Variants in PTPRM observed in about 807,000 individuals in gnomAD.
PTPRM encodes protein tyrosine phosphatase receptor type M.
Under a neutral mutation model 186.7 loss-of-function variants are expected in PTPRM, and 47 were observed. That is an observed-to-expected ratio of 0.25 (90% CI 0.20 to 0.32). The LOEUF (loss-of-function observed/expected upper bound fraction) is 0.32. PTPRM is among the 10% of genes least tolerant of loss of function. The pLI is 1.00. For missense variants in PTPRM, 1,494 were observed against 1,865.0 expected, an observed-to-expected ratio of 0.80 and a Z score of 3.66; for synonymous variants, 668 against 674.9, an observed-to-expected ratio of 0.99 and a Z score of 0.16.
intron 1 of PTPRM, among the ~76,000 whole-genome samples, chr18:7,676,045 T>C (rs2039328446): frequency 1.3e-5 from 2 of 152,030 alleles, no homozygotes; most frequent in Non-Finnish European, 2.9e-5. Flanking sequence ...CCTTTCAGCA[T>C]TTTTTTAACA....
intron 11 of PTPRM, among the ~76,000 whole-genome samples, chr18:8,107,042 C>T (rs1323022410): frequency 1.3e-5 from 2 of 152,148 alleles, no homozygotes; most frequent in East Asian, 1.9e-4. Flanking sequence ...TTTGGTGTGG[C>T]TTTGATAGTA....
chr18:8,311,627 A>G (rs1435650599), intron 20 of PTPRM, among the ~76,000 whole-genome samples: 1 of 152,224 alleles, frequency 6.6e-6, no homozygotes. Flanking sequence ...ACTACCATGT[A>G]TATAAAGGCA....
intron 1 of PTPRM, among the ~76,000 whole-genome samples, chr18:7,747,235 A>G (rs1233479376): frequency 6.6e-6 from 1 of 152,148 alleles, no homozygotes; most frequent in Non-Finnish European, 1.5e-5. Flanking sequence ...GCATTACTGC[A>G]AAGCATGGCA....
intron 24 of PTPRM, among the ~76,000 whole-genome samples, chr18:8,375,032 G>A (rs1347416001): frequency 3.3e-5 from 5 of 152,322 alleles, no homozygotes; most frequent in African/African-American, 9.6e-5. Flanking sequence ...TACATCCAGC[G>A]TTGATTCCGG....
intron 18 of PTPRM, 64 bp downstream of exon 18, chr18:8,252,563 T>C (rs2094538032): frequency 1.4e-6 from 2 of 1,478,602 alleles, no homozygotes; most frequent in African/African-American, 2.8e-5. Flanking sequence ...GTCTTACTGG[T>C]AGATTCTGAC....
intron 1 of PTPRM, among the ~76,000 whole-genome samples, chr18:7,738,208 A>G (rs1476151612): frequency 6.6e-6 from 1 of 152,208 alleles, no homozygotes; most frequent in African/African-American, 2.4e-5. Context: ...AACCATTGCA[A>G]TCAACACATT....
At chr18:8,200,817 A>G (rs2093845256) in intron 14 of PTPRM, among the ~76,000 whole-genome samples, 1 of 152,246 alleles carries the variant, frequency 6.6e-6, no homozygotes, top group South Asian at 2.1e-4. Context: ...GTGAGAAAGT[A>G]AAAAACACGA....
intron 14 of PTPRM, among the ~76,000 whole-genome samples, chr18:8,223,860 G>C: frequency 6.6e-6 from 1 of 152,188 alleles, no homozygotes; most frequent in Non-Finnish European, 1.5e-5. Flanking sequence ...GGTATGTATA[G>C]TATATACAAG....
At chr18:7,920,311 C>A (rs778972328) in intron 4 of PTPRM, among the ~76,000 whole-genome samples, 3 of 151,924 alleles carry the variant, frequency 2.0e-5, no homozygotes, top group African/African-American at 7.3e-5. Context: ...TCTCTGGTCA[C>A]GTGTTTTAAT....
chr18:8,031,009 G>A (rs2085931104), intron 7 of PTPRM, among the ~76,000 whole-genome samples: 1 of 152,072 alleles, frequency 6.6e-6, no homozygotes. Flanking sequence ...TCCATTTTTG[G>A]AAGAGTGTGC....
At chr18:8,070,532 A>C (rs1216102029) in intron 8 of PTPRM, among the ~76,000 whole-genome samples, 1 of 152,198 alleles carries the variant, frequency 6.6e-6, no homozygotes, top group Admixed American at 6.5e-5. Context: ...TTGAAACCGG[A>C]TGTTACTTTA....
chr18:8,252,613 G>A, intron 18 of PTPRM, 114 bp downstream of exon 18: 1 of 1,041,866 alleles, frequency 9.6e-7, no homozygotes, highest in Non-Finnish European at 1.5e-6. Flanking sequence ...CTGCATGTTT[G>A]CCTTTGTAGA....
chr18:8,138,575 G>T (rs1363924064), intron 13 of PTPRM, among the ~76,000 whole-genome samples: 1 of 152,052 alleles, frequency 6.6e-6, no homozygotes, highest in Admixed American at 6.6e-5. Flanking sequence ...TTTTCCCTGG[G>T]AAAATGAAGC....
chr18:7,786,204 G>T (rs1365070761), intron 2 of PTPRM, among the ~76,000 whole-genome samples: 1 of 152,194 alleles, frequency 6.6e-6, no homozygotes, highest in Non-Finnish European at 1.5e-5. Context: ...AATAAATATA[G>T]CTATTTAATT....
intron 19 of PTPRM, among the ~76,000 whole-genome samples, chr18:8,264,621 T>A (rs1409429456): frequency 2.0e-5 from 3 of 151,762 alleles, no homozygotes. Flanking sequence ...TACAAAAAAT[T>A]AGCTGGGCGT....
chr18:7,701,374 G>A (rs1415035166), intron 1 of PTPRM, among the ~76,000 whole-genome samples: 1 of 151,870 alleles, frequency 6.6e-6, no homozygotes, highest in Admixed American at 6.6e-5. Flanking sequence ...GCTGAGGTGG[G>A]TGGATCACAA....
In PTPRM at chr18:7,568,585, G is replaced by T. The variant is rs1342610559; in HGVS notation, c.73+694G>T. Among the ~76,000 whole-genome samples the T allele has an allele frequency of 6.6e-6, 1 of 152,180 alleles. No homozygotes were observed. The highest frequency in any genetic ancestry group is 2.4e-5 in the African/African-American group (1 of 41,446). On this transcript the variant is annotated intron_variant, in intron 1 of 32. Transcript: ENST00000580170. This position sits in a 1 kb window ranked among gnomAD's most constrained non-coding sequence, Gnocchi z 5.1. The stretch of plus-strand genomic sequence containing the variant: ...TGGCCACGGCCCTGCGCCCCGCTGG[G>T]CTCCCCCTCCCCACCCTCGTCCCCC...
chr18:7,750,980 C>G (rs1235096132), intron 1 of PTPRM: 1 of 137,848 alleles, frequency 7.3e-6, no homozygotes, highest in Non-Finnish European at 1.6e-5. Flanking sequence ...CACATAGCCC[C>G]CCTCCCCGCA....
chr18:7,927,493 A>T (rs2051243763), intron 5 of PTPRM, among the ~76,000 whole-genome samples: 2 of 148,672 alleles, frequency 1.3e-5, no homozygotes, highest in South Asian at 2.1e-4. Context: ...TTTTTAAAGT[A>T]TTATCTATTT....
Sources: allele counts gnomAD v4.1 joint callset (sites outside exome capture counted in the v4.1 genomes callset), GRCh38; gene constraint gnomAD v4.1.1; non-coding constraint Gnocchi (gnomAD v3.1); transcripts MANE v1.5; gene names NCBI Gene and HGNC (gene_info 2026-07-23, HGNC 2026-07-21).